The following PTPRF variants were observed in gnomAD, a reference collection of about 807,000 sequenced individuals.
The protein encoded by PTPRF is receptor-type tyrosine-protein phosphatase F.
A neutral mutation model predicts 201.8 loss-of-function variants in PTPRF; 59 were observed. The ratio of observed to expected loss-of-function variants is 0.29; its 90% confidence interval spans 0.24 to 0.36. PTPRF has a LOEUF of 0.36. PTPRF is among the 10% of genes least tolerant of loss of function. The probability of loss-of-function intolerance (pLI) is 1.00; values close to 1 mark genes in which losing one functional copy is unlikely to be tolerated. For synonymous variants in PTPRF, 1,088 were observed against 1,089.7 expected, an observed-to-expected ratio of 1.00 and a Z score of 0.03; for missense variants, 2,132 against 2,690.5, an observed-to-expected ratio of 0.79 and a Z score of 4.59.
At chr1:43,604,242 C>T in intron 16 of PTPRF, 53 bp downstream of exon 16, 2 of 1,559,460 alleles carry the variant, frequency 1.3e-6, no homozygotes, top group Non-Finnish European at 1.7e-6. Flanking sequence ...ATCTGGGGGT[C>T]TCTGCTCTCC....
chr1:43,551,365 A>G (rs1159362144), intron 3 of PTPRF, among the ~76,000 whole-genome samples: 1 of 152,144 alleles, frequency 6.6e-6, no homozygotes, highest in Non-Finnish European at 1.5e-5. Flanking sequence ...GGAAGGCGCA[A>G]CAGAGGCCAA....
At chr1:43,598,186 A>C (rs1446878369) in intron 12 of PTPRF, 133 bp downstream of exon 12, 2 of 964,036 alleles carry the variant, frequency 2.1e-6, no homozygotes, top group Non-Finnish European at 2.9e-6. Context: ...AATGGCCTAA[A>C]GTGGGGGGAT....
At chr1:43,524,101 C>T (rs116520579), upstream of PTPRF, among the ~76,000 whole-genome samples, 3 of 148,868 alleles carry the variant, frequency 2.0e-5, no homozygotes, top group Non-Finnish European at 3.0e-5. Flanking sequence ...GAAGAGAGGC[C>T]GGGAACTCAG....
intron 5 of PTPRF, among the ~76,000 whole-genome samples, chr1:43,559,813 T>C (rs1254050858): frequency 7.0e-6 from 1 of 141,874 alleles, no homozygotes; most frequent in Non-Finnish European, 1.5e-5. Context: ...GTGTGTGGTG[T>C]GTGTGTGCAT....
intron 20 of PTPRF, 142 bp downstream of exon 20, chr1:43,606,600 A>G (rs1655177585): frequency 7.3e-6 from 8 of 1,097,848 alleles, no homozygotes; most frequent in South Asian, 1.5e-5. Context: ...AAGACCCAAG[A>G]TCTGTCCCGG....
Position 43,559,739 on chromosome 1 carries a change from CTG to C in PTPRF, c.379+5816_379+5817del, listed in dbSNP as rs137874262. Among the ~76,000 whole-genome samples the C allele has an allele frequency of 2.9e-3, 355 of 124,144 alleles. 1 individual carries two copies. The highest frequency in any genetic ancestry group is 3.9e-3 in the African/African-American group (127 of 32,188). 81.4% of individuals were successfully genotyped at this position (124,144 alleles called of 152,430 possible). On this transcript the variant is annotated intron_variant, in intron 5 of 33. Transcript: ENST00000359947. Reference sequence around the variant, plus strand: ...GCAGGCTGTGTGTATGTATCAGGCTCTGTGTGTGTGTGTGTGTGTTTGTACAG... The same window carrying C: ...GCAGGCTGTGTGTATGTATCAGGCTCTGTGTGTGTGTGTGTGTTTGTACAG...
intron 21 of PTPRF, 141 bp from the exon 22 acceptor site, chr1:43,609,242 C>T (rs530148980): frequency 3.8e-5 from 25 of 663,188 alleles, no homozygotes; most frequent in South Asian, 2.9e-4. Context: ...GGCTCCTCCG[C>T]GCTCAGAGAT....
At chr1:43,535,401 G>A (rs1220200901) in intron 1 of PTPRF, among the ~76,000 whole-genome samples, 1 of 152,110 alleles carries the variant, frequency 6.6e-6, no homozygotes, top group Admixed American at 6.5e-5. Context: ...TTCTACTGAG[G>A]CTCTTTCTGC....
chr1:43,593,457 T>A lies in PTPRF; in HGVS notation c.1813+856T>A, dbSNP rs533199639. On this transcript the variant is annotated intron_variant, in intron 11 of 33. Coordinates refer to ENST00000359947, the MANE Select transcript of PTPRF (RefSeq NM_002840.5). ...TCTGTGGTTGCTGCTGGGCGTCCTG[T>A]GTGTGGTCACACAGCCACAGTCAGC... is the stretch of plus-strand genomic sequence containing the variant. 2.0e-5 allele frequency among the ~76,000 whole-genome samples: 3 copies of A among 152,296 alleles called. No homozygotes were observed. In the South Asian group the frequency reaches 6.2e-4, roughly 32 times the overall value.
At chr1:43,572,791 A>G (rs904981210) in intron 6 of PTPRF, among the ~76,000 whole-genome samples, 5 of 152,214 alleles carry the variant, frequency 3.3e-5, no homozygotes, top group Non-Finnish European at 7.4e-5. Flanking sequence ...CCCCCTTCAC[A>G]GCTGAGTTAA....
At chr1:43,571,753 G>A (rs1646588030) in intron 6 of PTPRF, among the ~76,000 whole-genome samples, 1 of 152,190 alleles carries the variant, frequency 6.6e-6, no homozygotes, top group Non-Finnish European at 1.5e-5. Context: ...TGCCTCAGTG[G>A]TGTCTCCTTG....
rs1421327397 is a variant in PTPRF, at chr1:43,553,415, C to G, written c.92-77C>G. ...TCTTTGTAGGTCTTTCTCTCTGCCC[C>G]CATGACTGCCACCTTCCTCACTGGC... On this transcript the variant is annotated intron_variant, in intron 3 of 33. Coordinates refer to ENST00000359947, the MANE Select transcript of PTPRF (RefSeq NM_002840.5). The surrounding 1 kb of genome is among the most constrained non-coding windows in gnomAD (Gnocchi z 4.1). The G allele has an allele frequency of 1.4e-5, 20 of 1,480,766 alleles. No individual in the cohort carries two copies. The highest frequency in any genetic ancestry group is 1.8e-5 in the Non-Finnish European group (20 of 1,081,328). The allele number at this position is 1,480,766 out of a possible 1,614,324, so 91.7% of individuals were successfully genotyped here. A position where few individuals can be genotyped will look rare whatever the true frequency, so the allele number is the denominator to read the frequency against.
At chr1:43,562,659 G>A (rs1645887546) in intron 5 of PTPRF, among the ~76,000 whole-genome samples, 1 of 151,866 alleles carries the variant, frequency 6.6e-6, no homozygotes, top group Non-Finnish European at 1.5e-5. Context: ...TGATTTGCCC[G>A]TTTTGGCCTC....
intron 6 of PTPRF, among the ~76,000 whole-genome samples, chr1:43,570,398 TGGGA>T (rs1314832417): frequency 6.6e-6 from 1 of 152,218 alleles, no homozygotes; most frequent in Non-Finnish European, 1.5e-5. Flanking sequence ...TCAGTTTTTG[TGGGA>T]ACAGAGCAGG....
Position 43,621,012 on chromosome 1 carries a change from G to C in PTPRF, c.5519+20G>C, listed in dbSNP as rs1265468361. The C allele has an allele frequency of 6.2e-7, 1 of 1,610,692 alleles. No homozygotes were observed. The highest frequency in any genetic ancestry group is 1.3e-5 in the African/African-American group (1 of 74,928). ...CTGCAGGTGGGACTGGCCCCCTGGAGGGCTGGGGTGGGTGGGCCTGAAGGC... is the reference window on the plus strand; with the variant it reads ...CTGCAGGTGGGACTGGCCCCCTGGACGGCTGGGGTGGGTGGGCCTGAAGGC... On this transcript the variant is annotated intron_variant, in intron 32 of 33. Coordinates refer to ENST00000359947, the MANE Select transcript of PTPRF (RefSeq NM_002840.5).
intron 23 of PTPRF, among the ~76,000 whole-genome samples, chr1:43,615,317 C>G (rs144424350): frequency 2.6e-4 from 39 of 152,308 alleles, no homozygotes; most frequent in Admixed American, 1.3e-3. Context: ...CCCATGGCCT[C>G]CACCCACACT....
chr1:43,575,073 C>T (rs1646833292), intron 6 of PTPRF, among the ~76,000 whole-genome samples: 1 of 152,194 alleles, frequency 6.6e-6, no homozygotes. Context: ...GACCTGGGCC[C>T]ATCTGTGGGC....
Position 43,554,652 on chromosome 1 carries a change from A to G in PTPRF, c.379+711A>G, listed in dbSNP as rs1386780541. ...AGGAAGAAGGAGAAAGCAATTCAGC[A>G]TGAGTCTGGAGAGGTTTGGAGGGCA... On this transcript the variant is annotated intron_variant, in intron 5 of 33. Transcript: ENST00000359947. This position sits in a 1 kb window ranked among gnomAD's most constrained non-coding sequence, Gnocchi z 4.1. Among the ~76,000 whole-genome samples the G allele has an allele frequency of 6.6e-6, 1 of 152,094 alleles. No individual in the cohort carries two copies. The highest frequency in any genetic ancestry group is 1.5e-5 in the Non-Finnish European group (1 of 68,032).
chr1:43,524,260 C>T (rs545284679), upstream of PTPRF, among the ~76,000 whole-genome samples: 11 of 152,048 alleles, frequency 7.2e-5, no homozygotes, highest in East Asian at 1.4e-3. Flanking sequence ...GTACAATGTT[C>T]GATATTCAGA....
Sources: allele counts gnomAD v4.1 joint callset (sites outside exome capture counted in the v4.1 genomes callset), GRCh38; gene constraint gnomAD v4.1.1; non-coding constraint Gnocchi (gnomAD v3.1); transcripts MANE v1.5; gene names NCBI Gene and HGNC (gene_info 2026-07-23, HGNC 2026-07-21).